RBFOX1: variants seen among roughly 807,000 people sequenced by gnomAD.
RBFOX1 encodes the protein RNA binding protein fox-1 homolog 1.
Under a neutral mutation model 57.7 loss-of-function variants are expected in RBFOX1, and 8 were observed. The observed-to-expected ratio is 0.14, with a 90% CI of 0.08 to 0.25. The LOEUF is 0.25. RBFOX1 is among the 10% of genes least tolerant of loss of function. RBFOX1 has a pLI of 1.00. For synonymous variants in RBFOX1, 326 were observed against 222.4 expected (o/e 1.47, Z -4.15); for missense variants, 611 against 548.5 (o/e 1.11, Z -1.14).
intron 3 of RBFOX1, among the ~76,000 whole-genome samples, chr16:7,039,455 C>T (rs961172162): frequency 6.6e-6 from 1 of 152,204 alleles, no homozygotes; most frequent in Admixed American, 6.5e-5. Context: ...GTTTATGCAA[C>T]ATGAGACAGA....
At chr16:5,940,851 G>A (rs145794140) in intron 4 of RBFOX1, among the ~76,000 whole-genome samples, 50 of 152,266 alleles carry the variant, frequency 3.3e-4, no homozygotes, top group Middle Eastern at 3.4e-3. Context: ...TAGGTGGCTG[G>A]GTGGGGGTTC....
intron 4 of RBFOX1, among the ~76,000 whole-genome samples, chr16:7,239,038 A>G (rs764186672): frequency 5.9e-5 from 9 of 152,150 alleles, no homozygotes; most frequent in Non-Finnish European, 1.0e-4. Context: ...TATCCAGTCT[A>G]TCATTGATGG....
At chr16:7,221,706 T>A (rs1003445184) in intron 4 of RBFOX1, among the ~76,000 whole-genome samples, 1 of 152,192 alleles carries the variant, frequency 6.6e-6, no homozygotes, top group Non-Finnish European at 1.5e-5. Flanking sequence ...TCTCCACATA[T>A]ATACTTTTAA....
intron 2 of RBFOX1, among the ~76,000 whole-genome samples, chr16:6,407,596 G>GAGAGAAC (rs71386523): frequency 0.023 from 3,362 of 146,152 alleles, 68 homozygotes; most frequent in Non-Finnish European, 0.028. Flanking sequence ...AGAGAGAGAA[G>GAGAGAAC]TACATTCTAT....
At chr16:5,735,715 G>A (rs2052546334) in intron 3 of RBFOX1, among the ~76,000 whole-genome samples, 1 of 152,078 alleles carries the variant, frequency 6.6e-6, no homozygotes, top group Non-Finnish European at 1.5e-5. Flanking sequence ...TGGTCAACAT[G>A]GTGAAACCCT....
chr16:6,553,231 A>G lies in RBFOX1; in HGVS notation c.-63-101372A>G, dbSNP rs142793381. On this transcript the variant is annotated intron_variant, in intron 2 of 15. Transcript: ENST00000550418. ...TATGGATTTGAGATGTGAACAGGCAAGAAGGGTCATCACTATAAATCAATA... is the reference window on the plus strand; with the variant it reads ...TATGGATTTGAGATGTGAACAGGCAGGAAGGGTCATCACTATAAATCAATA... 3.0e-4 allele frequency among the ~76,000 whole-genome samples: 46 copies of G among 152,332 alleles called. No homozygotes were observed. The East Asian group carries it at 6.6e-3, about 22-fold the overall frequency.
intron 4 of RBFOX1, among the ~76,000 whole-genome samples, chr16:7,386,713 C>G (rs940432950): frequency 6.6e-6 from 1 of 152,076 alleles, no homozygotes; most frequent in East Asian, 1.9e-4. Context: ...TTTATAGTAG[C>G]ATGATTTATA....
intron 3 of RBFOX1, among the ~76,000 whole-genome samples, chr16:7,040,352 T>C (rs569753689): frequency 4.6e-5 from 7 of 152,244 alleles, no homozygotes; most frequent in Admixed American, 3.3e-4. Context: ...ATCACATACT[T>C]ACTATGTGCC....
chr16:6,537,495 A>G (rs1476981), intron 2 of RBFOX1, among the ~76,000 whole-genome samples: 68,464 of 151,994 alleles, frequency 0.45, 16,018 homozygotes, highest in Non-Finnish European at 0.52. Context: ...TTGAGGGGCT[A>G]TAAGCTTACA....
intron 3 of RBFOX1, among the ~76,000 whole-genome samples, chr16:6,872,903 A>C (rs1479175915): frequency 6.6e-6 from 1 of 152,198 alleles, no homozygotes; most frequent in Non-Finnish European, 1.5e-5. Context: ...TTAGGAAGAA[A>C]GCCATACTTC....
At chr16:6,788,801 C>T (rs191923638) in intron 3 of RBFOX1, among the ~76,000 whole-genome samples, 1 of 152,032 alleles carries the variant, frequency 6.6e-6, no homozygotes, top group Non-Finnish European at 1.5e-5. Flanking sequence ...GAGGATGCCT[C>T]TGTGATGTCA....
chr16:6,784,817 A>G (rs1251707583), intron 3 of RBFOX1, among the ~76,000 whole-genome samples: 3 of 152,002 alleles, frequency 2.0e-5, no homozygotes, highest in African/African-American at 4.8e-5. Flanking sequence ...GTTCCACCTC[A>G]TATATTTCAT....
chr16:5,521,850 C>A (rs1470946209), intron 2 of RBFOX1, among the ~76,000 whole-genome samples: 1 of 152,190 alleles, frequency 6.6e-6, no homozygotes, highest in Non-Finnish European at 1.5e-5. Context: ...CTCTTCATAT[C>A]CCTAGCTTTT....
intron 4 of RBFOX1, among the ~76,000 whole-genome samples, chr16:7,515,366 A>G (rs2076134678): frequency 6.6e-6 from 1 of 152,000 alleles, no homozygotes; most frequent in African/African-American, 2.4e-5. Context: ...TGCAAGACAG[A>G]TACATTCTGG....
At chr16:6,179,573 G>A (rs554135974) in intron 1 of RBFOX1, among the ~76,000 whole-genome samples, 20 of 152,196 alleles carry the variant, frequency 1.3e-4, no homozygotes, top group Non-Finnish European at 2.5e-4. Flanking sequence ...ACTGTGGTCC[G>A]CAGCCCACTA....
chr16:6,607,794 G>A (rs1329163922), intron 2 of RBFOX1, among the ~76,000 whole-genome samples: 1 of 152,194 alleles, frequency 6.6e-6, no homozygotes, highest in Admixed American at 6.5e-5. Flanking sequence ...CCCGAATAAT[G>A]TTTCACATCC....
chr16:5,468,257 C>T (rs2069015394), intron 2 of RBFOX1, among the ~76,000 whole-genome samples: 1 of 152,172 alleles, frequency 6.6e-6, no homozygotes, highest in African/African-American at 2.4e-5. Context: ...AGTACCTTCA[C>T]AGTGTTGGGC....
At chr16:6,019,017 G>C, upstream of RBFOX1, 22 of 880,026 alleles carry the variant, frequency 2.5e-5, no homozygotes, top group Non-Finnish European at 2.7e-5. This position sits in a 1 kb window ranked among gnomAD's most constrained non-coding sequence, Gnocchi z 4.2. Context: ...GCGCTCCCTC[G>C]CGCACCAGAT....
chr16:7,302,618 C>T (rs907349514), intron 4 of RBFOX1, among the ~76,000 whole-genome samples: 1 of 149,806 alleles, frequency 6.7e-6, no homozygotes, highest in South Asian at 2.1e-4. Context: ...GACAGCTGAT[C>T]TCTTGGTCTG....
Sources: allele counts gnomAD v4.1 joint callset (sites outside exome capture counted in the v4.1 genomes callset), GRCh38; gene constraint gnomAD v4.1.1; non-coding constraint Gnocchi (gnomAD v3.1); transcripts MANE v1.5; gene names NCBI Gene and HGNC (gene_info 2026-07-23, HGNC 2026-07-21).